TTC3: variants seen among roughly 807,000 people sequenced by gnomAD.
TTC3 encodes the protein tetratricopeptide repeat domain 3.
TTC3 carries 180 observed loss-of-function variants against 249.6 expected under a neutral mutation model. The observed-to-expected ratio is 0.72, with a 90% CI of 0.64 to 0.82. TTC3 has a LOEUF of 0.82. Ranked by LOEUF, TTC3 falls within the 40% of genes least tolerant of loss-of-function variation. The pLI is 0.00. For synonymous variants in TTC3, 717 were observed against 805.0 expected (o/e 0.89, Z 1.85); for missense variants, 2,061 against 2,398.4 (o/e 0.86, Z 2.94).
intron 10 of TTC3, chr21:37,098,277 T>C (rs1302227193): frequency 2.3e-5 from 5 of 213,056 alleles, no homozygotes; most frequent in Admixed American, 1.2e-4. Flanking sequence ...CTTGTGAAAA[T>C]TGAGGTGCCT....
intron 22 of TTC3, among the ~76,000 whole-genome samples, chr21:37,148,027 C>T (rs1013264829): frequency 1.3e-5 from 2 of 152,242 alleles, no homozygotes; most frequent in African/African-American, 4.8e-5. Flanking sequence ...GCCCAGCCTT[C>T]CTGGACTTTT....
In TTC3 at chr21:37,130,584, T is replaced by C. The variant is rs184201839; in HGVS notation, c.1358+1521T>C. 9.8e-5 allele frequency among the ~76,000 whole-genome samples: 15 copies of C among 152,318 alleles called. No individual in the cohort carries two copies. The East Asian group carries it at 2.7e-3, about 27-fold the overall frequency. Reference sequence around the variant, plus strand: ...TTACTGTTACCACCATCATTTTCATTATTATTAGAATGACTCTGGCCTACA... The same window carrying C: ...TTACTGTTACCACCATCATTTTCATCATTATTAGAATGACTCTGGCCTACA... On this transcript the variant is annotated intron_variant, in intron 16 of 45. Coordinates refer to ENST00000355666, the Ensembl canonical transcript of TTC3.
chr21:37,196,766 A>G (rs1275044080), intron 42 of TTC3, among the ~76,000 whole-genome samples: 2 of 152,186 alleles, frequency 1.3e-5, no homozygotes, highest in Non-Finnish European at 2.9e-5. Flanking sequence ...GTTATATAAG[A>G]CCTCTGATTT....
At chr21:37,104,218 C>CTA (rs2074823070) in intron 10 of TTC3, among the ~76,000 whole-genome samples, 1 of 152,148 alleles carries the variant, frequency 6.6e-6, no homozygotes, top group African/African-American at 2.4e-5. Flanking sequence ...TGGGCCTACT[C>CTA]ACTCACATTG....
intron 11 of TTC3, among the ~76,000 whole-genome samples, chr21:37,114,969 G>C (rs1366423416): frequency 1.3e-5 from 2 of 151,910 alleles, no homozygotes; most frequent in Admixed American, 1.3e-4. Flanking sequence ...ACTCATAGGT[G>C]GGAATTGAAC....
chr21:37,148,441 A>G (rs2079166108), intron 22 of TTC3, 105 bp from the exon 23 acceptor site: 3 of 530,850 alleles, frequency 5.7e-6, no homozygotes, highest in African/African-American at 3.9e-5. Flanking sequence ...ATGCTGTGGA[A>G]ATAAATATGT....
At chr21:37,148,697 C>A in intron 23 of TTC3, 50 bp downstream of exon 23, 3 of 1,240,608 alleles carry the variant, frequency 2.4e-6, no homozygotes, top group South Asian at 3.1e-5. Flanking sequence ...TATTGTATGT[C>A]AATTTTTCCC....
intron 5 of TTC3, 135 bp from the exon 6 acceptor site, chr21:37,090,098 C>T (rs2147680238): frequency 5.5e-6 from 3 of 548,520 alleles, no homozygotes; most frequent in Middle Eastern, 3.2e-4. Flanking sequence ...GTAACTTGGT[C>T]ATGTAAATGC....
intron 11 of TTC3, among the ~76,000 whole-genome samples, chr21:37,115,518 T>G (rs527677871): frequency 6.6e-6 from 1 of 152,342 alleles, no homozygotes; most frequent in South Asian, 2.1e-4. Flanking sequence ...AGAAAATTTC[T>G]TGCAAATGTG....
chr21:37,129,100 A>C (rs762290774), intron 16 of TTC3, 37 bp downstream of exon 16: 4 of 1,461,416 alleles, frequency 2.7e-6, no homozygotes, highest in Non-Finnish European at 3.7e-6. Flanking sequence ...TTTTCCCCTT[A>C]ATATACTCTT....
At position 37,159,905 on chromosome 21, in the gene TTC3, A is replaced by C. The variant is rs184183186; in HGVS notation, c.3039+160A>C. ...ACGTACTATTATTCATTAGAAAGTC[A>C]CTGCCAGTTTTCCTCTCGGAATTGG... On this transcript the variant is annotated intron_variant, in intron 29 of 45. Transcript: ENST00000355666. 1.4e-3 allele frequency among the ~76,000 whole-genome samples: 208 copies of C among 152,318 alleles called. 2 individuals carry two copies. The highest frequency in any genetic ancestry group is 4.1e-3 in the Admixed American group (63 of 15,300).
At chr21:37,124,823 A>T in intron 14 of TTC3, 81 bp downstream of exon 14, 4 of 1,521,466 alleles carry the variant, frequency 2.6e-6, no homozygotes, top group Non-Finnish European at 3.5e-6. Flanking sequence ...TGGTAATAGA[A>T]ACCAAATTTT....
intron 11 of TTC3, among the ~76,000 whole-genome samples, chr21:37,112,986 C>T (rs2075809576): frequency 6.6e-6 from 1 of 152,180 alleles, no homozygotes; most frequent in South Asian, 2.1e-4. Context: ...TGACAAAATT[C>T]AACAACGCTT....
At chr21:37,151,714 T>C (rs553053783) in intron 25 of TTC3, among the ~76,000 whole-genome samples, 179 bp from the exon 26 acceptor site, 1 of 152,314 alleles carries the variant, frequency 6.6e-6, no homozygotes, top group East Asian at 1.9e-4. Context: ...GGTTTTTGTT[T>C]TCATGAAACA....
rs767194001 is a variant in TTC3, at chr21:37,164,169, A to G, written c.3289A>G (p.Lys1097Glu). ...TAACGAATATGTTGTCCGCAATAAG[A>G]AGCTATGGGACATGAACCCAAAACA... Residue 1097 changes from lysine to glutamate, a missense_variant, in exon 32 of 46, where the codon AAG (lysine) becomes GAG (glutamate). By Grantham distance (56) the Lys-to-Glu change is moderately conservative. This residue lies in a region of TTC3 where 1,040 missense variants were observed against 1,186.1 expected (regional missense o/e 0.88). Coordinates refer to ENST00000355666, the Ensembl canonical transcript of TTC3. 9 of 1,613,012 alleles carry G rather than the reference A, an allele frequency of 5.6e-6. No homozygotes were observed. In the East Asian group the frequency reaches 1.6e-4, roughly 28 times the overall value.
At chr21:37,132,819 T>C (rs1265258671) in intron 17 of TTC3, 53 bp downstream of exon 17, 2 of 1,379,308 alleles carry the variant, frequency 1.5e-6, no homozygotes. Flanking sequence ...AACAAAACAT[T>C]GTTCACATGA....
At chr21:37,142,405 C>T (rs62223638) in intron 20 of TTC3, among the ~76,000 whole-genome samples, 16 of 152,032 alleles carry the variant, frequency 1.1e-4, no homozygotes, top group African/African-American at 3.6e-4. Context: ...CAGCAAAGTC[C>T]CAGGATACAA....
exon 27 of TTC3, chr21:37,153,228 A>G: frequency 6.2e-7 from 1 of 1,613,990 alleles, no homozygotes. Context: ...GTGAGCTTAA[A>G]GAAGTGGAGC....
chr21:37,139,231 C>T (rs2835623), intron 19 of TTC3, among the ~76,000 whole-genome samples: 14,924 of 151,998 alleles, frequency 0.098, 1,091 homozygotes, highest in East Asian at 0.26. Context: ...ACAATGATAA[C>T]GTTAGTATCT....
Sources: allele counts gnomAD v4.1 joint callset (sites outside exome capture counted in the v4.1 genomes callset), GRCh38; gene constraint gnomAD v4.1.1; regional missense constraint gnomAD v4.1.1; transcripts MANE v1.5; gene names NCBI Gene and HGNC (gene_info 2026-07-23, HGNC 2026-07-21).